The following MIS18BP1 variants were observed in gnomAD, a reference collection of about 807,000 sequenced individuals.
The protein encoded by MIS18BP1 is MIS18 binding protein 1.
Under a neutral mutation model 116.1 loss-of-function variants are expected in MIS18BP1, and 72 were observed. The ratio of observed to expected loss-of-function variants is 0.62; its 90% CI spans 0.51 to 0.75. The LOEUF (loss-of-function observed/expected upper bound fraction) is 0.75, where lower values mean the gene tolerates loss of function less well. Ranked by LOEUF, MIS18BP1 falls within the 30% of genes least tolerant of loss-of-function variation. MIS18BP1 has a pLI of 0.00. For missense variants in MIS18BP1, 1,363 were observed against 1,303.2 expected, an observed-to-expected ratio of 1.05 and a Z score of -0.71; for synonymous variants, 386 against 427.0, an observed-to-expected ratio of 0.90 and a Z score of 1.18.
chr14:45,249,916 C>T (rs1891823143), intron 1 of MIS18BP1: 1 of 152,100 alleles, frequency 6.6e-6, no homozygotes. Flanking sequence ...GACTGCAAAA[C>T]AAAATGGCAA....
chr14:45,248,602 A>G (rs1300495350), intron 1 of MIS18BP1, among the ~76,000 whole-genome samples: 1 of 152,218 alleles, frequency 6.6e-6, no homozygotes, highest in Non-Finnish European at 1.5e-5. Context: ...AAATTCTAAC[A>G]TAGCCAGACC....
At chr14:45,248,885 A>T (rs1891793551) in intron 1 of MIS18BP1, among the ~76,000 whole-genome samples, 1 of 152,070 alleles carries the variant, frequency 6.6e-6, no homozygotes, top group African/African-American at 2.4e-5. Flanking sequence ...TCTGTATTAG[A>T]AGTTATAATA....
intron 7 of MIS18BP1, chr14:45,232,416 C>CAAAAAA (rs532665472): frequency 3.0e-4 from 29 of 95,304 alleles, no homozygotes; most frequent in East Asian, 5.0e-4. Context: ...GATTCCATCT[C>CAAAAAA]AAAAAAAAAA....
At chr14:45,231,022 A>G in intron 8 of MIS18BP1, 119 bp downstream of exon 8, 5 of 964,140 alleles carry the variant, frequency 5.2e-6, no homozygotes, top group African/African-American at 3.4e-5. Flanking sequence ...TGGGGGCAGT[A>G]TAAGTCAAAG....
At chr14:45,251,470 C>T (rs1263497743) in intron 1 of MIS18BP1, among the ~76,000 whole-genome samples, 1 of 152,078 alleles carries the variant, frequency 6.6e-6, no homozygotes, top group East Asian at 1.9e-4. Flanking sequence ...TCCTCCTCCT[C>T]CCAAAAAACA....
chr14:45,242,638 T>C (rs768596290), intron 3 of MIS18BP1, 120 bp from the exon 4 acceptor site: 27 of 1,458,050 alleles, frequency 1.9e-5, no homozygotes, highest in Non-Finnish European at 2.3e-5. Context: ...TCTGAGTGTC[T>C]CTTTTACGAT....
At chr14:45,223,734 T>TA (rs1376748577) in intron 11 of MIS18BP1, among the ~76,000 whole-genome samples, 184 bp downstream of exon 11, 10 of 152,256 alleles carry the variant, frequency 6.6e-5, no homozygotes, top group African/African-American at 2.2e-4. Flanking sequence ...TTCCTCGTAT[T>TA]AGAGATGACC....
At chr14:45,208,198 A>G (rs1174207593) in intron 14 of MIS18BP1, among the ~76,000 whole-genome samples, 1 of 152,158 alleles carries the variant, frequency 6.6e-6, no homozygotes, top group African/African-American at 2.4e-5. Flanking sequence ...TTAATTTATA[A>G]CTTTCCTTAT....
intron 13 of MIS18BP1, among the ~76,000 whole-genome samples, chr14:45,213,890 T>C (rs994107418): frequency 3.9e-5 from 6 of 152,242 alleles, no homozygotes; most frequent in Non-Finnish European, 8.8e-5. Flanking sequence ...CTGTGTTGAC[T>C]CAAGGTTTAA....
Position 45,224,725 on chromosome 14 carries a change from A to G in MIS18BP1, c.1862T>C (p.Val621Ala), listed in dbSNP as rs747129516. The G allele has an allele frequency of 1.9e-6, 3 of 1,583,464 alleles. No homozygotes were observed. Among genetic ancestry groups the G allele is most frequent in the South Asian group, 2.3e-5 (2 of 85,140 alleles). The stretch of plus-strand genomic sequence containing the variant: ...CCTTGAGGTTAGAATATCAATGGAT[A>G]CATCCAATTCTTCAGTTGTCTCTTT... ...QKQETTEELD[V>A]SIDILTSREQ... Residue 621 changes from valine (V) to alanine (A), a missense_variant, in exon 11 of 17, where the codon GTA becomes GCA. Transcript: ENST00000310806.
chr14:45,233,048 CTTGT>C (rs932444875), intron 6 of MIS18BP1, among the ~76,000 whole-genome samples: 4 of 152,228 alleles, frequency 2.6e-5, no homozygotes, highest in South Asian at 4.1e-4. Context: ...AGTACAATAT[CTTGT>C]TTGTTAGATG....
Position 45,242,423 on chromosome 14 carries a change from G to A in MIS18BP1, c.754C>T (p.His252Tyr). ...GTTGCAACTATACTCTCCTTTGAGT[G>A]AAAAATTTGTTTAGCCAACTGAGCT... is the stretch of plus-strand genomic sequence containing the variant. ...TRAQLAKQIF[H>Y]SKESIVATTK... Residue 252 changes from histidine (H) to tyrosine (Y), a missense_variant, in exon 4 of 17, where the codon CAC becomes TAC. By Grantham distance (83) the His-to-Tyr change is moderately conservative. Coordinates refer to ENST00000310806, the MANE Select transcript of MIS18BP1 (RefSeq NM_018353.5). 6.2e-7 allele frequency: 1 copy of A among 1,613,638 alleles called. No individual in the cohort carries two copies. Among genetic ancestry groups the A allele is most frequent in the East Asian group, 2.2e-5 (1 of 44,868 alleles).
In MIS18BP1 at chr14:45,242,475, T is replaced by A. The variant is rs572316667; in HGVS notation, c.702A>T (p.Val234=). Reference sequence around the variant, plus strand: ...TAGTTAATGTCTTGTTTCGGGCTTCTACAGCCAAAAAATTTTCCTGTTCTT... The same window carrying A: ...TAGTTAATGTCTTGTTTCGGGCTTCAACAGCCAAAAAATTTTCCTGTTCTT... ...LNQEQENFLA[V]EARNKTLTRA... Residue 234 remains valine (V), a synonymous_variant, in exon 4 of 17, where the codon GTA becomes GTT. Coordinates refer to ENST00000310806, the MANE Select transcript of MIS18BP1 (RefSeq NM_018353.5). The A allele has an allele frequency of 1.3e-6, 2 of 1,598,406 alleles. No individual in the cohort carries two copies. Among genetic ancestry groups the A allele is most frequent in the East Asian group, 2.2e-5 (1 of 44,812 alleles).
chr14:45,243,444 T>A (rs116355252), intron 2 of MIS18BP1, among the ~76,000 whole-genome samples: 1 of 152,146 alleles, frequency 6.6e-6, no homozygotes, highest in East Asian at 1.9e-4. Flanking sequence ...TAAGGACTAA[T>A]AGCACTGCTT....
In MIS18BP1 at chr14:45,227,681, T is replaced by G. The variant is rs757764350; in HGVS notation, c.1728A>C (p.Gly576=). The change falls in exon 9 of 17, where the codon GGA becomes GGC. Residue 576 remains glycine (G), a synonymous_variant. Transcript: ENST00000310806. ...GCCTTACCTGATTAGATAAGTCATCTCCTCCTCCATTTTGAATAGTATTAT... is the reference window on the plus strand; with the variant it reads ...GCCTTACCTGATTAGATAAGTCATCGCCTCCTCCATTTTGAATAGTATTAT... ...QVNNTIQNGG[G]DDLSNQELIG... 61 of 1,613,162 alleles carry G rather than the reference T, an allele frequency of 3.8e-5. No homozygotes were observed. The Admixed American group carries it at 9.8e-4, about 26-fold the overall frequency.
At position 45,212,187 on chromosome 14, in the gene MIS18BP1, A is replaced by G. The variant is rs1001945370; in HGVS notation, c.3004-1659T>C. 4.3e-4 allele frequency among the ~76,000 whole-genome samples: 66 copies of G among 152,226 alleles called. 1 individual carries two copies. The highest frequency in any genetic ancestry group is 1.4e-3 in the African/African-American group (59 of 41,548). On this transcript the variant is annotated intron_variant, in intron 13 of 16. Transcript: ENST00000310806. ...CTGGGGATTTGTTTGGAGGCAGTGCACCATTTGTTTGCAGTGTAGGTGTGT... is the reference window on the plus strand; with the variant it reads ...CTGGGGATTTGTTTGGAGGCAGTGCGCCATTTGTTTGCAGTGTAGGTGTGT...
rs142655177 is a variant in MIS18BP1 at position 45,246,188 on chromosome 14, T to C, written c.544+555A>G. ...CATTCACATGCTCAAAACCCTCCGATGGCTTATTCTGCTCACAGTAAAGGC... is the reference window on the plus strand; with the variant it reads ...CATTCACATGCTCAAAACCCTCCGACGGCTTATTCTGCTCACAGTAAAGGC... On this transcript the variant is annotated intron_variant, in intron 2 of 16. Coordinates refer to ENST00000310806, the MANE Select transcript of MIS18BP1 (RefSeq NM_018353.5). Among the ~76,000 whole-genome samples, 92 of 152,324 alleles carry C rather than the reference T, an allele frequency of 6.0e-4. No individual in the cohort carries two copies. The East Asian group carries it at 0.01, about 17-fold the overall frequency.
chr14:45,212,186 C>T (rs1890692304), intron 13 of MIS18BP1, among the ~76,000 whole-genome samples: 1 of 152,142 alleles, frequency 6.6e-6, no homozygotes, highest in South Asian at 2.1e-4. Context: ...GGAGGCAGTG[C>T]ACCATTTGTT....
intron 10 of MIS18BP1, 98 bp downstream of exon 10, chr14:45,226,645 T>C: frequency 9.9e-7 from 1 of 1,009,020 alleles, no homozygotes; most frequent in Non-Finnish European, 1.3e-6. Flanking sequence ...ATTTGCCATT[T>C]TACATGAGGA....
Sources: allele counts gnomAD v4.1 joint callset (sites outside exome capture counted in the v4.1 genomes callset), GRCh38; gene constraint gnomAD v4.1.1; transcripts MANE v1.5; gene names NCBI Gene and HGNC (gene_info 2026-07-23, HGNC 2026-07-21).